TYW1B: variants seen among roughly 807,000 people sequenced by gnomAD.
The protein encoded by TYW1B is tRNA-yW synthesizing protein 1 homolog B.
A neutral mutation model predicts 86.9 loss-of-function variants in TYW1B; 73 were observed. The ratio of observed to expected loss-of-function variants is 0.84; its 90% CI spans 0.70 to 1.02. The LOEUF (loss-of-function observed/expected upper bound fraction) is 1.02. Ranked by LOEUF, TYW1B falls within the 50% of genes least tolerant of loss-of-function variation. The probability of loss-of-function intolerance (pLI) is 0.00; values close to 1 mark genes in which losing one functional copy is unlikely to be tolerated. For synonymous variants in TYW1B, 248 were observed against 292.8 expected, an observed-to-expected ratio of 0.85 and a Z score of 1.56; for missense variants, 637 against 827.4, an observed-to-expected ratio of 0.77 and a Z score of 2.82.
At chr7:72,748,086 T>C (rs1180438252) in intron 7 of TYW1B, among the ~76,000 whole-genome samples, 2 of 152,040 alleles carry the variant, frequency 1.3e-5, no homozygotes, top group Admixed American at 6.6e-5. Context: ...CTGGCTAACA[T>C]GGTGAAACCC....
intron 13 of TYW1B, among the ~76,000 whole-genome samples, chr7:72,613,401 CTTTTTT>C (rs71517349): frequency 0.029 from 2,382 of 80,888 alleles, 12 homozygotes; most frequent in Middle Eastern, 0.046. Flanking sequence ...TTTATATCTT[CTTTTTT>C]TTTTTTTTTT....
intron 7 of TYW1B, among the ~76,000 whole-genome samples, chr7:72,773,925 T>C (rs1295959971): frequency 2.7e-5 from 4 of 150,256 alleles, no homozygotes; most frequent in Admixed American, 6.6e-5. Context: ...ATTAGCCAGG[T>C]GTGGTGGCGC....
chr7:72,615,176 G>A (rs1163989839), intron 13 of TYW1B, among the ~76,000 whole-genome samples: 4 of 152,250 alleles, frequency 2.6e-5, no homozygotes, highest in African/African-American at 4.8e-5. Flanking sequence ...TGGCTTGAAT[G>A]AGATGGTTTG....
chr7:72,644,816 C>T (rs1234182497), intron 11 of TYW1B, among the ~76,000 whole-genome samples: 3 of 147,720 alleles, frequency 2.0e-5, no homozygotes, highest in Non-Finnish European at 4.5e-5. Context: ...AAACTCTCTT[C>T]ATGACTTTCC....
intron 12 of TYW1B, among the ~76,000 whole-genome samples, chr7:72,622,775 G>A (rs1261019375): frequency 1.3e-4 from 20 of 150,516 alleles, no homozygotes; most frequent in East Asian, 7.8e-4. Context: ...ACACATGCAC[G>A]CACACAAAAC....
intron 2 of TYW1B, 25 bp from the exon 3 acceptor site, chr7:72,815,506 A>T (rs1554479270): frequency 6.3e-7 from 1 of 1,594,352 alleles, no homozygotes; most frequent in South Asian, 1.2e-5. Context: ...AAAAACTTCA[A>T]ATAAAGTCTT....
chr7:72,813,086 T>C (rs1384002291), intron 3 of TYW1B, among the ~76,000 whole-genome samples: 5 of 152,136 alleles, frequency 3.3e-5, no homozygotes, highest in African/African-American at 1.2e-4. Context: ...GTGGCAAAAC[T>C]GAGTAGCTGC....
rs550688710 is a variant in TYW1B, at chr7:72,755,105, A to G, written c.965-10504T>C. On this transcript the variant is annotated intron_variant, in intron 7 of 13. Transcript: ENST00000620995. ...TGACAGGGTTTAGCACACTGCTATC[A>G]AGAGTAGATGGAATAACAGAAGTGT... is the stretch of plus-strand genomic sequence containing the variant. 2.2e-4 allele frequency among the ~76,000 whole-genome samples: 34 copies of G among 152,218 alleles called. No homozygotes were observed. In the South Asian group the frequency reaches 6.2e-3, roughly 28 times the overall value.
At chr7:72,612,567 T>A (rs1434785574) in intron 13 of TYW1B, among the ~76,000 whole-genome samples, 1 of 152,104 alleles carries the variant, frequency 6.6e-6, no homozygotes, top group East Asian at 1.9e-4. Context: ...ACAGAAGAAC[T>A]GGGTCAAAGT....
chr7:72,708,235 A>C (rs558967310), intron 10 of TYW1B, among the ~76,000 whole-genome samples: 18 of 152,306 alleles, frequency 1.2e-4, no homozygotes, highest in African/African-American at 4.3e-4. Context: ...TATAATACAG[A>C]CTATTGACAA....
rs189372283 is a variant in TYW1B, at chr7:72,605,429, C to T, written c.1785+11243G>A. 3.7e-3 allele frequency among the ~76,000 whole-genome samples: 561 copies of T among 151,840 alleles called. 1 individual carries two copies. The highest frequency in any genetic ancestry group is 5.9e-3 in the Non-Finnish European group (398 of 67,966). On this transcript the variant is annotated intron_variant, in intron 13 of 13. Coordinates refer to ENST00000620995, the MANE Select transcript of TYW1B (RefSeq NM_001145440.3). The stretch of plus-strand genomic sequence containing the variant: ...AGTGCAGTGGCGCAATCTCGGCTCA[C>T]TGCAATCTCCGCCTCCCTGGTTGAA...
chr7:72,618,227 ATT>A (rs869158136), intron 12 of TYW1B, among the ~76,000 whole-genome samples: 1,433 of 103,916 alleles, frequency 0.014, 2 homozygotes, highest in Non-Finnish European at 0.018. Context: ...ATGACACTGA[ATT>A]TTTTTTTTTT....
chr7:72,613,852 C>G (rs546969569), intron 13 of TYW1B, among the ~76,000 whole-genome samples: 38 of 152,138 alleles, frequency 2.5e-4, no homozygotes, highest in African/African-American at 9.2e-4. Context: ...TATCAGTTTA[C>G]AATTTTGAAG....
chr7:72,806,343 C>A (rs1241654142), intron 5 of TYW1B, among the ~76,000 whole-genome samples: 1 of 150,568 alleles, frequency 6.6e-6, no homozygotes, highest in Non-Finnish European at 1.5e-5. Flanking sequence ...TCAAGCGATT[C>A]TCATGCCTCA....
rs191681112 is a variant in TYW1B, at chr7:72,669,393, A to G, written c.1506+25294T>C. 5.9e-3 allele frequency among the ~76,000 whole-genome samples: 901 copies of G among 151,880 alleles called. 11 individuals carry two copies. The highest frequency in any genetic ancestry group is 0.021 in the African/African-American group (856 of 41,478). ...ATTCCTGACCTCAGGTGATCCACCC[A>G]CCTCAGCCTCCCAAAAATGTTGGGA... On this transcript the variant is annotated intron_variant, in intron 11 of 13. Transcript: ENST00000620995.
chr7:72,621,853 G>T (rs1465759698), intron 12 of TYW1B, among the ~76,000 whole-genome samples: 2 of 152,184 alleles, frequency 1.3e-5, no homozygotes, highest in Non-Finnish European at 2.9e-5. Flanking sequence ...GCTGATAAAC[G>T]CTGGTTAGGG....
chr7:72,713,764 T>G lies in TYW1B; in HGVS notation c.1227A>C (p.Glu409Asp). 6.2e-7 allele frequency: 1 copy of G among 1,602,466 alleles called. No individual in the cohort carries two copies. The highest frequency in any genetic ancestry group is 1.7e-4 in the Middle Eastern group (1 of 6,012). ...VPGVKAERFEEGMTVKHCALS... is the reference protein window; with the variant it reads ...VPGVKAERFEDGMTVKHCALS... ...ATGCACAGTGCTTTACCGTCATTCCTTCTTCAAAGCGTTCTGCTTTGACGC... is the reference window on the plus strand; with the variant it reads ...ATGCACAGTGCTTTACCGTCATTCCGTCTTCAAAGCGTTCTGCTTTGACGC... Residue 409 changes from glutamate (E) to aspartate (D), a missense_variant, in exon 10 of 14, where the codon GAA becomes GAC. Glu to Asp is a conservative substitution (Grantham distance 45, BLOSUM62 2). Coordinates refer to ENST00000620995, the MANE Select transcript of TYW1B (RefSeq NM_001145440.3).
chr7:72,644,568 TAAATAAAAAC>T (rs1330806179), intron 11 of TYW1B, among the ~76,000 whole-genome samples: 64 of 151,928 alleles, frequency 4.2e-4, no homozygotes, highest in African/African-American at 1.2e-3. Flanking sequence ...TAAATATAAA[TAAATAAAAAC>T]AAATAAAAAC....
chr7:72,618,819 T>A (rs1364728391), intron 12 of TYW1B, among the ~76,000 whole-genome samples: 2 of 152,048 alleles, frequency 1.3e-5, no homozygotes, highest in Non-Finnish European at 2.9e-5. Flanking sequence ...CTAACAGAAA[T>A]CCTTGTGTTT....
Sources: gnomAD v4.1 joint callset for allele counts (sites outside exome capture counted in the v4.1 genomes callset) on GRCh38, gnomAD v4.1.1 for gene constraint, MANE v1.5 for transcripts, NCBI Gene and HGNC (gene_info 2026-07-23, HGNC 2026-07-21) for gene names.